MYLK: variants seen among roughly 807,000 people sequenced by gnomAD.
MYLK encodes the protein myosin light chain kinase, also known as myosin light chain kinase, smooth muscle.
A neutral mutation model predicts 203.4 loss-of-function variants in MYLK; 106 were observed. The observed-to-expected ratio is 0.52, with a 90% CI of 0.45 to 0.61. The LOEUF (loss-of-function observed/expected upper bound fraction) is 0.61. Among genes scored for constraint, MYLK ranks in the 20% least tolerant of loss-of-function variants. MYLK has a pLI of 0.00. For synonymous variants in MYLK, 867 were observed against 959.5 expected, an observed-to-expected ratio of 0.90 and a Z score of 1.78; for missense variants, 2,072 against 2,442.3, an observed-to-expected ratio of 0.85 and a Z score of 3.20.
At chr3:123,727,658 G>A (rs2062335911) in intron 11 of MYLK, among the ~76,000 whole-genome samples, 1 of 152,168 alleles carries the variant, frequency 6.6e-6, no homozygotes, top group South Asian at 2.1e-4. Context: ...ATAGTCTAGG[G>A]ATGAAAGAGA....
At chr3:123,850,431 C>A (rs189027706) in intron 2 of MYLK, among the ~76,000 whole-genome samples, 7 of 152,318 alleles carry the variant, frequency 4.6e-5, no homozygotes, top group African/African-American at 1.4e-4. Context: ...TTAATGATCG[C>A]CATTCTAACT....
intron 31 of MYLK, chr3:123,624,204 A>T (rs1430432893): frequency 6.6e-6 from 1 of 152,066 alleles, no homozygotes; most frequent in Non-Finnish European, 1.5e-5. Context: ...ATATGCCTGT[A>T]GTCCCAGCTA....
intron 33 of MYLK, chr3:123,616,399 A>G (rs1392432616): frequency 6.6e-6 from 1 of 152,216 alleles, no homozygotes; most frequent in Non-Finnish European, 1.5e-5. Context: ...ATATGTACAG[A>G]AGCATTACCA....
At chr3:123,636,055 G>A (rs908294277) in intron 29 of MYLK, among the ~76,000 whole-genome samples, 1 of 152,186 alleles carries the variant, frequency 6.6e-6, no homozygotes, top group Non-Finnish European at 1.5e-5. Context: ...GTAACAGGGA[G>A]GGGTGCCAGA....
At chr3:123,784,393 T>C (rs866115159) in intron 4 of MYLK, among the ~76,000 whole-genome samples, 11 of 149,112 alleles carry the variant, frequency 7.4e-5, no homozygotes, top group Non-Finnish European at 1.6e-4. Flanking sequence ...TTTTTTTTTT[T>C]TTTTTTTTTT....
intron 24 of MYLK, among the ~76,000 whole-genome samples, chr3:123,652,610 A>G (rs1389500904): frequency 6.6e-6 from 1 of 152,202 alleles, no homozygotes; most frequent in Non-Finnish European, 1.5e-5. Context: ...TACAGGCTTT[A>G]TATCTCGAAC....
chr3:123,752,055 A>C (rs2063210808), intron 5 of MYLK, among the ~76,000 whole-genome samples: 1 of 151,860 alleles, frequency 6.6e-6, no homozygotes, highest in Non-Finnish European at 1.5e-5. Context: ...CATCCTAAGG[A>C]GTCTGATTTC....
chr3:123,692,395 T>C (rs2060712128), intron 19 of MYLK: 11 of 1,191,196 alleles, frequency 9.2e-6, no homozygotes, highest in Non-Finnish European at 1.2e-5. Flanking sequence ...TTTTGTAAAA[T>C]ACTCTGTAGT....
chr3:123,701,529 A>G lies in MYLK; in HGVS notation c.2391-20T>C. On this transcript the variant is annotated intron_variant, in intron 16 of 33. Transcript: ENST00000360304. Reference sequence around the variant, plus strand: ...CGGTTCCTGAAGAATTCCAAAGATCAATAAAGATCAAGAGGCCCTCTGGGC... The same window carrying G: ...CGGTTCCTGAAGAATTCCAAAGATCGATAAAGATCAAGAGGCCCTCTGGGC... 1.2e-6 allele frequency: 2 copies of G among 1,612,812 alleles called. No homozygotes were observed. Among genetic ancestry groups the G allele is most frequent in the South Asian group, 2.2e-5 (2 of 91,038 alleles).
At chr3:123,789,388 G>C (rs2064680980) in intron 4 of MYLK, among the ~76,000 whole-genome samples, 1 of 152,162 alleles carries the variant, frequency 6.6e-6, no homozygotes. Flanking sequence ...ACAGGTGTTA[G>C]AAGTGTGCTC....
intron 16 of MYLK, among the ~76,000 whole-genome samples, chr3:123,705,108 G>A (rs2061410789): frequency 2.0e-5 from 3 of 152,030 alleles, no homozygotes; most frequent in South Asian, 2.1e-4. Flanking sequence ...GGACAGGCAG[G>A]ATCTGCCCAC....
chr3:123,849,858 A>C (rs1349807622), intron 2 of MYLK, among the ~76,000 whole-genome samples: 1 of 152,016 alleles, frequency 6.6e-6, no homozygotes. Context: ...CTCATCATTT[A>C]CATTAGGTAT....
chr3:123,664,159 G>A lies in MYLK; in HGVS notation c.3931C>T (p.Leu1311=), dbSNP rs750899369. The part of the protein sequence containing the change: ...RQEHCGCYTL[L]VENKLGSRQA... ...CTGCTGCCCAGCTTGTTCTCCACCA[G>A]CAGTGTGTAGCAGCCGCAGTGCTCC... Residue 1311 remains leucine (L), a synonymous_variant, in exon 23 of 34, where the codon CTG becomes TTG. Coordinates refer to ENST00000360304, the MANE Select transcript of MYLK (RefSeq NM_053025.4). 2 of 1,614,100 alleles carry A rather than the reference G, an allele frequency of 1.2e-6. No individual in the cohort carries two copies. The highest frequency in any genetic ancestry group is 1.1e-5 in the South Asian group (1 of 91,082).
At chr3:123,867,413 C>T (rs2032404649) in intron 2 of MYLK, among the ~76,000 whole-genome samples, 1 of 134,896 alleles carries the variant, frequency 7.4e-6, no homozygotes, top group African/African-American at 2.8e-5. Context: ...AATCCAATGA[C>T]TAGTATCCAA....
chr3:123,787,725 G>C (rs1047867844), intron 4 of MYLK, among the ~76,000 whole-genome samples: 2 of 152,248 alleles, frequency 1.3e-5, no homozygotes, highest in African/African-American at 4.8e-5. Flanking sequence ...CAGGATAAAA[G>C]CTGCCTTGCC....
chr3:123,846,577 C>T (rs891146564), intron 2 of MYLK, among the ~76,000 whole-genome samples: 1 of 152,034 alleles, frequency 6.6e-6, no homozygotes, highest in African/African-American at 2.4e-5. Flanking sequence ...CATCTAGGAC[C>T]GAAATTCCTG....
rs1050562589 is a variant in MYLK, at chr3:123,795,968, G to A, written c.-3-2124C>T. On this transcript the variant is annotated intron_variant, in intron 3 of 33. Coordinates refer to ENST00000360304, the MANE Select transcript of MYLK (RefSeq NM_053025.4). ...TGGGGATATCTCTTTTGAAGTTCAAGTGAAAGCAGCAAAGGGACTAGGCTC... is the reference window on the plus strand; with the variant it reads ...TGGGGATATCTCTTTTGAAGTTCAAATGAAAGCAGCAAAGGGACTAGGCTC... 3.3e-5 allele frequency among the ~76,000 whole-genome samples: 5 copies of A among 152,322 alleles called. No individual in the cohort carries two copies. The South Asian group carries it at 8.3e-4, about 25-fold the overall frequency.
intron 2 of MYLK, among the ~76,000 whole-genome samples, chr3:123,865,708 C>T (rs913862404): frequency 7.9e-5 from 12 of 152,126 alleles, no homozygotes; most frequent in African/African-American, 4.8e-5. Context: ...AGATTGAGAC[C>T]GGTGAGAAAG....
chr3:123,781,952 C>G (rs920054802), intron 4 of MYLK, among the ~76,000 whole-genome samples: 1 of 152,094 alleles, frequency 6.6e-6, no homozygotes, highest in Non-Finnish European at 1.5e-5. Flanking sequence ...TAAATAATCT[C>G]TTTTTACTGG....
Sources: gnomAD v4.1 joint callset for allele counts (sites outside exome capture counted in the v4.1 genomes callset) on GRCh38, gnomAD v4.1.1 for gene constraint, MANE v1.5 for transcripts, NCBI Gene and HGNC (gene_info 2026-07-23, HGNC 2026-07-21) for gene names.